Variants in CWC27 observed in about 807,000 individuals in gnomAD.
CWC27 encodes CWC27 spliceosome associated cyclophilin, also known as spliceosome-associated protein CWC27 homolog.
CWC27 carries 47 observed loss-of-function variants against 63.6 expected under a neutral mutation model. The observed-to-expected ratio is 0.74, with a 90% CI of 0.58 to 0.94. CWC27 has a LOEUF of 0.94. Among genes scored for constraint, CWC27 ranks in the 40% least tolerant of loss-of-function variants. The pLI, the probability that CWC27 is intolerant of heterozygous loss-of-function variation, is 0.00. For synonymous variants in CWC27, 175 were observed against 179.8 expected (o/e 0.97, Z 0.22); for missense variants, 495 against 554.3 (o/e 0.89, Z 1.07).
At chr5:64,963,271 A>AT (rs2112435456) in intron 11 of CWC27, among the ~76,000 whole-genome samples, 1 of 152,162 alleles carries the variant, frequency 6.6e-6, no homozygotes, top group East Asian at 1.9e-4. Flanking sequence ...CAGTAAAGAG[A>AT]TTTTTTTAAA....
chr5:64,960,210 G>A (rs1191874796), intron 11 of CWC27, among the ~76,000 whole-genome samples: 3 of 127,906 alleles, frequency 2.3e-5, no homozygotes, highest in African/African-American at 8.0e-5. Context: ...TTTTCCTAGG[G>A]ATTTTTTTTT....
chr5:64,801,303 G>GA lies in CWC27; in HGVS notation c.756dup (p.Gly253ArgfsTer2). 1 of 1,412,988 alleles carries GA rather than the reference G, an allele frequency of 7.1e-7. No individual in the cohort carries two copies. The highest frequency in any genetic ancestry group is 9.5e-7 in the Non-Finnish European group (1 of 1,047,330). The allele number at this position is 1,412,988 out of a possible 1,614,324, so 87.5% of individuals were successfully genotyped here. A position where few individuals can be genotyped will look rare whatever the true frequency, so the allele number is the denominator to read the frequency against. On this transcript the variant is annotated frameshift_variant and splice_region_variant, in exon 9 of 14. Coordinates refer to ENST00000381070, the MANE Select transcript of CWC27 (RefSeq NM_005869.4). LOFTEE classifies it high-confidence loss of function. ...TTGTTTTGCTTATTTTTTTTATAGT[G>GA]AAAAAGGTGATGCACCAGATTTAGT...
chr5:64,913,157 A>G (rs575385436), intron 11 of CWC27, among the ~76,000 whole-genome samples: 5 of 152,274 alleles, frequency 3.3e-5, no homozygotes, highest in Non-Finnish European at 5.9e-5. Context: ...AAATCATTTC[A>G]TCATTTTGAT....
In CWC27 at chr5:64,772,484, G is replaced by A. The variant is rs548826166; in HGVS notation, c.43-2207G>A. On this transcript the variant is annotated intron_variant, in intron 1 of 13. Coordinates refer to ENST00000381070, the MANE Select transcript of CWC27 (RefSeq NM_005869.4). ...TAAAAAAAATGCAAAAAAAGTAGCCGGGCATGATGTTGTGAGCCTGTAATC... is the reference window on the plus strand; with the variant it reads ...TAAAAAAAATGCAAAAAAAGTAGCCAGGCATGATGTTGTGAGCCTGTAATC... Among the ~76,000 whole-genome samples, 18 of 151,494 alleles carry A rather than the reference G, an allele frequency of 1.2e-4. 1 individual carries two copies. The highest frequency in any genetic ancestry group is 2.0e-4 in the Admixed American group (3 of 15,220).
At chr5:64,994,258 T>C (rs1233475264) in intron 13 of CWC27, among the ~76,000 whole-genome samples, 2 of 152,176 alleles carry the variant, frequency 1.3e-5, no homozygotes. Flanking sequence ...TCCCTTTCTC[T>C]TTTCAGTATA....
chr5:64,971,551 C>T, intron 11 of CWC27, 152 bp from the exon 12 acceptor site: 1 of 514,142 alleles, frequency 1.9e-6, no homozygotes, highest in African/African-American at 2.0e-5. Flanking sequence ...AGTTACAGAG[C>T]TGGTGGGGCT....
chr5:64,863,161 G>C (rs62369333), intron 10 of CWC27, among the ~76,000 whole-genome samples: 21,461 of 152,064 alleles, frequency 0.14, 2,092 homozygotes, highest in East Asian at 0.38. Context: ...TCACGTTCTG[G>C]ACTTGTTAGA....
intron 10 of CWC27, among the ~76,000 whole-genome samples, chr5:64,843,551 ATCAG>A (rs1745899466): frequency 2.0e-5 from 3 of 152,182 alleles, no homozygotes; most frequent in Admixed American, 2.0e-4. Context: ...GTATCCAGAA[ATCAG>A]TCCACTTTTT....
At chr5:64,816,783 G>A (rs1745044599) in intron 10 of CWC27, among the ~76,000 whole-genome samples, 1 of 152,096 alleles carries the variant, frequency 6.6e-6, no homozygotes, top group Non-Finnish European at 1.5e-5. Context: ...GGTTCTCTAA[G>A]ATGGGAATAC....
intron 10 of CWC27, chr5:64,807,932 G>T: frequency 7.0e-7 from 1 of 1,427,872 alleles, no homozygotes; most frequent in East Asian, 2.5e-5. Context: ...ATATCATCTA[G>T]CTTCTCACCT....
At chr5:64,810,411 T>C (rs926950717) in intron 10 of CWC27, among the ~76,000 whole-genome samples, 22 of 152,124 alleles carry the variant, frequency 1.4e-4, no homozygotes, top group African/African-American at 5.1e-4. Context: ...TTTTAGGATT[T>C]TTTTTTCTAT....
intron 13 of CWC27, among the ~76,000 whole-genome samples, chr5:65,003,662 G>T (rs1257167279): frequency 6.6e-6 from 1 of 152,086 alleles, no homozygotes; most frequent in African/African-American, 2.4e-5. Context: ...ATATAGCCTT[G>T]CTGGGTACAC....
At chr5:64,964,865 T>G (rs1748982979) in intron 11 of CWC27, among the ~76,000 whole-genome samples, 1 of 152,226 alleles carries the variant, frequency 6.6e-6, no homozygotes, top group South Asian at 2.1e-4. Flanking sequence ...GAATTTTTTC[T>G]TAGCTCTGTT....
intron 11 of CWC27, among the ~76,000 whole-genome samples, chr5:64,889,260 C>G (rs886682869): frequency 2.6e-5 from 4 of 152,062 alleles, no homozygotes; most frequent in African/African-American, 9.7e-5. Flanking sequence ...CTGATAAGGT[C>G]TATAGTTAGT....
At chr5:64,887,753 G>T (rs527564926) in intron 11 of CWC27, among the ~76,000 whole-genome samples, 1 of 152,098 alleles carries the variant, frequency 6.6e-6, no homozygotes, top group South Asian at 2.1e-4. Flanking sequence ...ATATAATGTG[G>T]TATTTACTAA....
At chr5:64,934,357 G>C (rs1419274595) in intron 11 of CWC27, among the ~76,000 whole-genome samples, 1 of 152,096 alleles carries the variant, frequency 6.6e-6, no homozygotes, top group Non-Finnish European at 1.5e-5. Flanking sequence ...GTGGTGTTTG[G>C]TTTTCTGTTC....
At chr5:64,778,911 T>C (rs1197737095) in intron 2 of CWC27, among the ~76,000 whole-genome samples, 1 of 152,342 alleles carries the variant, frequency 6.6e-6, no homozygotes, top group Middle Eastern at 3.4e-3. Context: ...CTACTTCTTA[T>C]GTACTGTGTA....
At chr5:65,006,960 C>CGAAAGAAAGAAAGAA (rs1749852587) in intron 13 of CWC27, among the ~76,000 whole-genome samples, 1 of 121,116 alleles carries the variant, frequency 8.3e-6, no homozygotes, top group Admixed American at 9.3e-5. Context: ...TTTAAAAAGA[C>CGAAAGAAAGAAAGAA]AGAAAGAAAG....
chr5:64,854,709 G>A (rs1746211178), intron 10 of CWC27, among the ~76,000 whole-genome samples: 2 of 152,066 alleles, frequency 1.3e-5, no homozygotes, highest in African/African-American at 2.4e-5. Context: ...TCTTCTTACG[G>A]CTGTTACTAT....
Sources: gnomAD v4.1 joint callset for allele counts (sites outside exome capture counted in the v4.1 genomes callset) on GRCh38, gnomAD v4.1.1 for gene constraint, MANE v1.5 for transcripts, NCBI Gene and HGNC (gene_info 2026-07-23, HGNC 2026-07-21) for gene names.